GLYAT: variants seen among roughly 807,000 people sequenced by gnomAD.
The protein encoded by GLYAT is glycine N-acyltransferase.
Under a neutral mutation model 22.8 loss-of-function variants are expected in GLYAT, and 25 were observed. The ratio of observed to expected loss-of-function variants is 1.09; its 90% confidence interval spans 0.80 to 1.53. The LOEUF (loss-of-function observed/expected upper bound fraction) is 1.53. Ranked by LOEUF, GLYAT falls within the 40% of genes most tolerant of loss-of-function variation. GLYAT has a pLI of 0.00. For missense variants in GLYAT, 411 were observed against 353.9 expected, an observed-to-expected ratio of 1.16 and a Z score of -1.29; for synonymous variants, 140 against 122.7, an observed-to-expected ratio of 1.14 and a Z score of -0.93.
At position 58,709,544 on chromosome 11, in the gene GLYAT, C is replaced by T. The variant is rs1565053094; in HGVS notation, c.*222G>A. ...CCTGGAAATGTGGGGAGGTAAATTGCTTATGTCAAATGTAAGAGGACCTGG... is the reference window on the plus strand; with the variant it reads ...CCTGGAAATGTGGGGAGGTAAATTGTTTATGTCAAATGTAAGAGGACCTGG... On this transcript the variant is annotated 3_prime_UTR_variant, in exon 6 of 6. Transcript: ENST00000344743. 2.1e-6 allele frequency: 1 copy of T among 473,030 alleles called. No homozygotes were observed. Among genetic ancestry groups the T allele is most frequent in the Admixed American group, 3.5e-5 (1 of 28,640 alleles). 29.3% of individuals were successfully genotyped at this position (473,030 alleles called of 1,614,324 possible).
chr11:58,708,808 A>C lies in GLYAT; in HGVS notation c.*958T>G, dbSNP rs1856572762. The stretch of plus-strand genomic sequence containing the variant: ...TATTATTATTTTAAATAAACAAATA[A>C]GTTCAGACTGTTATTTATGAATTAC... On this transcript the variant is annotated 3_prime_UTR_variant, in exon 6 of 6. Transcript: ENST00000344743. The C allele has an allele frequency of 1.3e-5, 2 of 152,214 alleles. No individual in the cohort carries two copies. The highest frequency in any genetic ancestry group is 1.3e-4 in the Admixed American group (2 of 15,278). The allele number at this position is 152,214 out of a possible 1,614,324, so 9.4% of individuals were successfully genotyped here.
In GLYAT at chr11:58,712,564, C is replaced by A. The variant is rs143927744; in HGVS notation, c.316+196G>T. Among the ~76,000 whole-genome samples the A allele has an allele frequency of 5.0e-3, 769 of 152,278 alleles. 8 individuals carry two copies. Among genetic ancestry groups the A allele is most frequent in the African/African-American group, 0.018 (736 of 41,568 alleles). ...TACCAAGGAATTATACTATAGTTCCCTTTATGAAGCCCATTCTTTGCAAAT... is the reference window on the plus strand; with the variant it reads ...TACCAAGGAATTATACTATAGTTCCATTTATGAAGCCCATTCTTTGCAAAT... On this transcript the variant is annotated intron_variant, in intron 4 of 5. Transcript: ENST00000344743.
At chr11:58,710,518 G>A in intron 5 of GLYAT, 72 bp downstream of exon 5, 2 of 1,112,636 alleles carry the variant, frequency 1.8e-6, no homozygotes, top group South Asian at 1.3e-5. Flanking sequence ...AAGCCAGAGT[G>A]AATGCAGGGA....
chr11:58,715,896 G>A (rs543921781), intron 2 of GLYAT, among the ~76,000 whole-genome samples: 4 of 152,080 alleles, frequency 2.6e-5, no homozygotes, highest in African/African-American at 9.7e-5. Flanking sequence ...TCTTTCACAG[G>A]AATCTTTGCA....
At chr11:58,728,895 AAGGAAGGAAG>A (rs1565061092) in intron 1 of GLYAT, among the ~76,000 whole-genome samples, 3,711 of 102,152 alleles carry the variant, frequency 0.036, 54 homozygotes, top group Middle Eastern at 0.07. Flanking sequence ...AGAAAGAAGG[AAGGAAGGAAG>A]GAAGGAAGGA....
intron 2 of GLYAT, among the ~76,000 whole-genome samples, chr11:58,718,642 C>T (rs1856712486): frequency 6.6e-6 from 1 of 151,610 alleles, no homozygotes; most frequent in Non-Finnish European, 1.5e-5. Context: ...TTTAAGGCAG[C>T]CATAGTCAAA....
At chr11:58,722,192 G>A (rs371062210) in intron 2 of GLYAT, among the ~76,000 whole-genome samples, 16 of 152,082 alleles carry the variant, frequency 1.1e-4, no homozygotes, top group African/African-American at 3.9e-4. Flanking sequence ...AGCCATACTG[G>A]TACCAAGCAC....
intron 1 of GLYAT, among the ~76,000 whole-genome samples, chr11:58,730,317 A>T (rs1856859266): frequency 6.6e-6 from 1 of 152,160 alleles, no homozygotes; most frequent in Non-Finnish European, 1.5e-5. Flanking sequence ...CTCTACAAAA[A>T]TAAAAATTAG....
intron 2 of GLYAT, among the ~76,000 whole-genome samples, chr11:58,717,906 C>A (rs1210103554): frequency 6.6e-6 from 1 of 151,972 alleles, no homozygotes; most frequent in Non-Finnish European, 1.5e-5. Context: ...TATAGCAAAA[C>A]CTAGCCATGA....
chr11:58,715,292 G>A (rs745930140), intron 3 of GLYAT, 24 bp downstream of exon 3: 1 of 989,846 alleles, frequency 1.0e-6, no homozygotes, highest in South Asian at 1.3e-5. Flanking sequence ...AAATATAGAA[G>A]AATATTCACA....
At chr11:58,710,259 G>A (rs1856597231) in intron 5 of GLYAT, 91 bp from the exon 6 acceptor site, 3 of 1,485,860 alleles carry the variant, frequency 2.0e-6, no homozygotes, top group Admixed American at 2.4e-5. Context: ...AGAGTAGACA[G>A]AAGAAATAAC....
In GLYAT at chr11:58,709,546, T is replaced by C. The variant is rs1487057452; in HGVS notation, c.*220A>G. 2 of 478,498 alleles carry C rather than the reference T, an allele frequency of 4.2e-6. No homozygotes were observed. The highest frequency in any genetic ancestry group is 7.4e-6 in the Non-Finnish European group (2 of 271,428). 29.6% of individuals were successfully genotyped at this position (478,498 alleles called of 1,614,324 possible). On this transcript the variant is annotated 3_prime_UTR_variant, in exon 6 of 6. Coordinates refer to ENST00000344743, the MANE Select transcript of GLYAT (RefSeq NM_201648.3). ...TGGAAATGTGGGGAGGTAAATTGCT[T>C]ATGTCAAATGTAAGAGGACCTGGGC...
At chr11:58,716,690 CCCCAAACCTAGTGTGAA>C (rs1318215490) in intron 2 of GLYAT, among the ~76,000 whole-genome samples, 2 of 152,012 alleles carry the variant, frequency 1.3e-5, no homozygotes, top group Non-Finnish European at 2.9e-5. Context: ...TCCTACTGGA[CCCCAAACCTAGTGTGAA>C]CCCAGAAAAT....
intron 1 of GLYAT, among the ~76,000 whole-genome samples, chr11:58,726,620 G>T (rs1856814129): frequency 6.6e-6 from 1 of 152,072 alleles, no homozygotes; most frequent in African/African-American, 2.4e-5. Flanking sequence ...CCTGCATAAG[G>T]GTACTGGGTT....
chr11:58,720,184 TA>T (rs924474291), intron 2 of GLYAT, among the ~76,000 whole-genome samples: 3 of 151,984 alleles, frequency 2.0e-5, no homozygotes, highest in Non-Finnish European at 2.9e-5. Flanking sequence ...TTCACCTCTT[TA>T]AAAAACACAC....
intron 3 of GLYAT, among the ~76,000 whole-genome samples, chr11:58,713,190 T>C (rs1018822899): frequency 4.6e-5 from 7 of 152,194 alleles, no homozygotes; most frequent in Admixed American, 4.6e-4. Context: ...CTGTTAACTA[T>C]AGTCATCCTA....
intron 5 of GLYAT, 78 bp downstream of exon 5, chr11:58,710,512 C>A: frequency 9.4e-7 from 1 of 1,065,700 alleles, no homozygotes; most frequent in South Asian, 1.3e-5. Flanking sequence ...GTAGGAAAGC[C>A]AGAGTGAATG....
intron 2 of GLYAT, among the ~76,000 whole-genome samples, chr11:58,717,587 A>G (rs572510530): frequency 1.3e-5 from 2 of 152,214 alleles, no homozygotes; most frequent in South Asian, 4.1e-4. Flanking sequence ...TTAAAACATT[A>G]TTTTGAAGAC....
Position 58,709,093 on chromosome 11 carries a change from T to C in GLYAT, c.*673A>G, listed in dbSNP as rs188047991. The C allele has an allele frequency of 5.9e-5, 9 of 152,278 alleles. No individual in the cohort carries two copies. The highest frequency in any genetic ancestry group is 3.4e-3 in the Middle Eastern group (1 of 294). The allele number at this position is 152,278 out of a possible 1,614,324, so 9.4% of individuals were successfully genotyped here. On this transcript the variant is annotated 3_prime_UTR_variant, in exon 6 of 6. Coordinates refer to ENST00000344743, the MANE Select transcript of GLYAT (RefSeq NM_201648.3). The stretch of plus-strand genomic sequence containing the variant: ...ATACAGTCAAACACAAAACTTTCTG[T>C]ATTATTTAGGAGTTGTGGGTTTTGG...
Sources: gnomAD v4.1 joint callset for allele counts (sites outside exome capture counted in the v4.1 genomes callset) on GRCh38, gnomAD v4.1.1 for gene constraint, MANE v1.5 for transcripts, NCBI Gene and HGNC (gene_info 2026-07-23, HGNC 2026-07-21) for gene names.